RTN1: variants seen among roughly 807,000 people sequenced by gnomAD.
The protein encoded by RTN1 is reticulon-1.
Under a neutral mutation model 65.5 loss-of-function variants are expected in RTN1, and 25 were observed. The ratio of observed to expected loss-of-function variants is 0.38; its 90% CI spans 0.28 to 0.53. The LOEUF is 0.53. Ranked by LOEUF, RTN1 falls within the 20% of genes least tolerant of loss-of-function variation. The pLI, the probability that RTN1 is intolerant of heterozygous loss-of-function variation, is 0.79. For missense variants in RTN1, 983 were observed against 1,025.4 expected (o/e 0.96, Z 0.57); for synonymous variants, 471 against 447.6 (o/e 1.05, Z -0.66).
chr14:59,655,776 C>T (rs1433832257), intron 3 of RTN1, among the ~76,000 whole-genome samples: 9 of 152,086 alleles, frequency 5.9e-5, no homozygotes, highest in Admixed American at 2.6e-4. Context: ...AGTCCTGGGA[C>T]GACTGGATAT....
At chr14:59,760,401 T>C (rs142946248) in intron 1 of RTN1, among the ~76,000 whole-genome samples, 2,119 of 152,338 alleles carry the variant, frequency 0.014, 25 homozygotes, top group South Asian at 0.04. Flanking sequence ...GAGGGTGGGA[T>C]AGGAGACCAG....
At chr14:59,823,129 G>T (rs189392284) in intron 1 of RTN1, among the ~76,000 whole-genome samples, 27 of 152,196 alleles carry the variant, frequency 1.8e-4, no homozygotes, top group African/African-American at 6.5e-4. Context: ...CCATTATTGT[G>T]TAGTTATCTA....
intron 2 of RTN1, among the ~76,000 whole-genome samples, chr14:59,729,924 T>C (rs551206510): frequency 1.3e-5 from 2 of 152,338 alleles, no homozygotes; most frequent in East Asian, 3.9e-4. Flanking sequence ...GAGATATTTA[T>C]ACCCTCTGCT....
At chr14:59,761,888 A>C (rs572917834) in intron 1 of RTN1, among the ~76,000 whole-genome samples, 1 of 152,330 alleles carries the variant, frequency 6.6e-6, no homozygotes, top group Non-Finnish European at 1.5e-5. Flanking sequence ...CGTCTCTGGG[A>C]CCTAAAGCAA....
At chr14:59,798,092 C>G (rs993199671) in intron 1 of RTN1, among the ~76,000 whole-genome samples, 5 of 152,090 alleles carry the variant, frequency 3.3e-5, no homozygotes, top group African/African-American at 1.2e-4. Flanking sequence ...ATATAACACC[C>G]CTTATTCCAG....
At chr14:59,715,522 G>A (rs779843513) in intron 3 of RTN1, among the ~76,000 whole-genome samples, 3 of 152,136 alleles carry the variant, frequency 2.0e-5, no homozygotes, top group Non-Finnish European at 2.9e-5. Context: ...ACTAAGAAAG[G>A]GCATTACAAA....
intron 3 of RTN1, among the ~76,000 whole-genome samples, chr14:59,678,220 G>A (rs1004882607): frequency 1.7e-4 from 26 of 152,240 alleles, no homozygotes; most frequent in African/African-American, 5.8e-4. Flanking sequence ...AGGGGTGCGT[G>A]GGGAATGTGA....
chr14:59,733,904 G>A (rs1884953270), intron 2 of RTN1, among the ~76,000 whole-genome samples: 2 of 152,234 alleles, frequency 1.3e-5, no homozygotes, highest in Non-Finnish European at 2.9e-5. Context: ...TTCTTTAAGT[G>A]TGTCCTTGAT....
At chr14:59,648,287 G>T (rs577337987) in intron 3 of RTN1, among the ~76,000 whole-genome samples, 22 of 152,156 alleles carry the variant, frequency 1.4e-4, no homozygotes, top group Admixed American at 1.4e-3. Flanking sequence ...CTTTGAAATT[G>T]AATCAGTAAT....
intron 3 of RTN1, among the ~76,000 whole-genome samples, chr14:59,714,813 G>C (rs950247150): frequency 5.9e-5 from 9 of 152,368 alleles, no homozygotes; most frequent in African/African-American, 2.2e-4. Flanking sequence ...GACTGGTACT[G>C]GTCCGTGGTC....
intron 1 of RTN1, among the ~76,000 whole-genome samples, chr14:59,864,282 C>T (rs1049581113): frequency 6.6e-5 from 10 of 152,058 alleles, no homozygotes; most frequent in African/African-American, 1.7e-4. Context: ...CCTGTGGTTC[C>T]TTCAATGTGC....
rs1354432622 is a variant in RTN1, at chr14:59,777,851, A to G, written c.242-31370T>C. On this transcript the variant is annotated intron_variant, in intron 1 of 8. Transcript: ENST00000267484. The stretch of plus-strand genomic sequence containing the variant: ...AAAAAAAAACAAAACAACAAAACAC[A>G]CACACACACACACACAAAACACCCT... 1.3e-4 allele frequency among the ~76,000 whole-genome samples: 7 copies of G among 52,510 alleles called. 1 individual carries two copies. The highest frequency in any genetic ancestry group is 3.6e-5 in the Non-Finnish European group (1 of 27,566). The allele number at this position is 52,510 out of a possible 152,430, so 34.4% of individuals were successfully genotyped here. A position where few individuals can be genotyped will look rare whatever the true frequency, so the allele number is the denominator to read the frequency against.
intron 3 of RTN1, among the ~76,000 whole-genome samples, chr14:59,697,743 T>C (rs1884092565): frequency 6.6e-6 from 1 of 152,296 alleles, no homozygotes; most frequent in South Asian, 2.1e-4. Flanking sequence ...GGGTATTAGA[T>C]GATGTAAGCT....
intron 1 of RTN1, among the ~76,000 whole-genome samples, chr14:59,781,026 A>G (rs144162926): frequency 1.3e-5 from 2 of 152,320 alleles, no homozygotes; most frequent in East Asian, 3.9e-4. Context: ...ATAACATGTA[A>G]TAATTATATC....
At chr14:59,800,064 G>A (rs1886511472) in intron 1 of RTN1, among the ~76,000 whole-genome samples, 1 of 152,148 alleles carries the variant, frequency 6.6e-6, no homozygotes, top group Admixed American at 6.5e-5. Context: ...CCCCTCCGTG[G>A]CACAGATATA....
intron 1 of RTN1, among the ~76,000 whole-genome samples, chr14:59,838,861 T>C (rs1221008820): frequency 6.6e-6 from 1 of 152,164 alleles, no homozygotes; most frequent in African/African-American, 2.4e-5. Context: ...ATCATTGAAA[T>C]ATAGTTGTAT....
In RTN1 at chr14:59,603,247, T is replaced by C. The variant is rs1445425245; in HGVS notation, c.2194A>G (p.Met732Val). The change falls in exon 7 of 9, where the codon ATG becomes GTG. Residue 732 changes from methionine to valine, a missense_variant. By Grantham distance (21) the Met-to-Val change is conservative. Transcript: ENST00000267484. ...ACATACACTACAGGTAGAGTAAACA[T>C]TGAAACCACAGCTGGGATGAAAAAC... ...LTLLLMAVVS[M>V]FTLPVVYVKH... 11 of 1,612,598 alleles carry C rather than the reference T, an allele frequency of 6.8e-6. No homozygotes were observed. The highest frequency in any genetic ancestry group is 2.2e-5 in the East Asian group (1 of 44,810).
chr14:59,755,056 C>T (rs74058782), intron 1 of RTN1, among the ~76,000 whole-genome samples: 1,722 of 152,200 alleles, frequency 0.011, 29 homozygotes, highest in African/African-American at 0.039. Flanking sequence ...TTCCTGTGGA[C>T]GGAGCCTATT....
At chr14:59,598,982 A>C (rs960762682) in intron 8 of RTN1, among the ~76,000 whole-genome samples, 8 of 152,230 alleles carry the variant, frequency 5.3e-5, no homozygotes, top group Admixed American at 3.3e-4. Flanking sequence ...TCCAACCCTG[A>C]AATTGAACAC....
Sources: allele counts gnomAD v4.1 joint callset (sites outside exome capture counted in the v4.1 genomes callset), GRCh38; gene constraint gnomAD v4.1.1; transcripts MANE v1.5; gene names NCBI Gene and HGNC (gene_info 2026-07-23, HGNC 2026-07-21).